The following GRIP1 variants were observed in gnomAD, a reference collection of about 807,000 sequenced individuals.
GRIP1 encodes glutamate receptor-interacting protein 1.
Under a neutral mutation model 129.9 loss-of-function variants are expected in GRIP1, and 45 were observed. The ratio of observed to expected loss-of-function variants is 0.35; its 90% confidence interval spans 0.27 to 0.44. GRIP1 has a LOEUF of 0.44. GRIP1 is among the 20% of genes least tolerant of loss of function. The probability of loss-of-function intolerance (pLI) is 1.00; values close to 1 mark genes in which losing one functional copy is unlikely to be tolerated. For synonymous variants in GRIP1, 530 were observed against 520.8 expected, an observed-to-expected ratio of 1.02 and a Z score of -0.24; for missense variants, 1,196 against 1,396.8, an observed-to-expected ratio of 0.86 and a Z score of 2.29.
intron 2 of GRIP1, among the ~76,000 whole-genome samples, chr12:66,557,074 C>T (rs1377539884): frequency 6.6e-6 from 1 of 151,958 alleles, no homozygotes; most frequent in Non-Finnish European, 1.5e-5. Flanking sequence ...TATCTGTTGT[C>T]TATAAGAAAC....
intron 7 of GRIP1, among the ~76,000 whole-genome samples, chr12:66,505,289 T>C (rs1028287044): frequency 2.6e-5 from 4 of 152,180 alleles, no homozygotes; most frequent in Admixed American, 6.5e-5. Flanking sequence ...TGGAGGGCCA[T>C]GTCAGAAGAA....
intron 1 of GRIP1, among the ~76,000 whole-genome samples, chr12:66,797,759 T>C (rs1004771567): frequency 6.6e-6 from 1 of 152,152 alleles, no homozygotes; most frequent in African/African-American, 2.4e-5. Flanking sequence ...AATTAGTGAA[T>C]ACAACCCTGA....
intron 13 of GRIP1, among the ~76,000 whole-genome samples, chr12:66,436,162 T>A (rs988568380): frequency 2.6e-5 from 4 of 152,254 alleles, no homozygotes; most frequent in East Asian, 3.8e-4. Context: ...AAAAACACAT[T>A]TGGGTAAACA....
At chr12:66,981,460 T>C (rs1007456208) in intron 1 of GRIP1, among the ~76,000 whole-genome samples, 3 of 152,156 alleles carry the variant, frequency 2.0e-5, no homozygotes, top group African/African-American at 7.2e-5. Flanking sequence ...TAAATGACTA[T>C]AATATTAAAC....
chr12:66,543,416 T>C (rs965556345), intron 2 of GRIP1, among the ~76,000 whole-genome samples: 5 of 152,178 alleles, frequency 3.3e-5, no homozygotes, highest in African/African-American at 9.7e-5. Flanking sequence ...ACAGACCAAA[T>C]AAAAATTGAA....
chr12:66,513,906 G>T (rs557318417), intron 7 of GRIP1, among the ~76,000 whole-genome samples: 1 of 152,140 alleles, frequency 6.6e-6, no homozygotes, highest in Non-Finnish European at 1.5e-5. Flanking sequence ...CAGTGGATGA[G>T]ACCTTGTCTC....
chr12:66,666,350 T>C (rs571829684), intron 1 of GRIP1, among the ~76,000 whole-genome samples: 2 of 152,138 alleles, frequency 1.3e-5, no homozygotes, highest in East Asian at 3.9e-4. Flanking sequence ...TGCCAAAAAT[T>C]TTTTAAAAAC....
At chr12:66,589,091 G>A (rs1252681294) in intron 2 of GRIP1, among the ~76,000 whole-genome samples, 1 of 151,934 alleles carries the variant, frequency 6.6e-6, no homozygotes, top group East Asian at 1.9e-4. Flanking sequence ...TGTTTCTGAG[G>A]AAGAAATGAG....
At chr12:66,703,431 T>C (rs984913681) in intron 1 of GRIP1, among the ~76,000 whole-genome samples, 1 of 152,028 alleles carries the variant, frequency 6.6e-6, no homozygotes, top group African/African-American at 2.4e-5. Context: ...GTGTGGAGGA[T>C]GCATGGGAGA....
chr12:66,761,682 C>T (rs186236839), intron 1 of GRIP1, among the ~76,000 whole-genome samples: 15 of 152,322 alleles, frequency 9.8e-5, no homozygotes, highest in Admixed American at 6.5e-4. Flanking sequence ...GTCTAGCCCA[C>T]AGCAGGGCTC....
intron 2 of GRIP1, among the ~76,000 whole-genome samples, chr12:66,580,589 A>T (rs538333384): frequency 6.7e-6 from 1 of 149,466 alleles, no homozygotes; most frequent in South Asian, 2.2e-4. Flanking sequence ...GAAAACAAAA[A>T]AAGGCAGGGG....
chr12:66,985,871 C>G (rs747119113), intron 1 of GRIP1, among the ~76,000 whole-genome samples: 8 of 152,126 alleles, frequency 5.3e-5, no homozygotes, highest in Middle Eastern at 3.2e-3. Flanking sequence ...ATTCATGTGC[C>G]TCTGGTCAAC....
intron 1 of GRIP1, among the ~76,000 whole-genome samples, chr12:66,763,472 C>T (rs1222155354): frequency 6.6e-6 from 1 of 152,136 alleles, no homozygotes; most frequent in East Asian, 1.9e-4. Context: ...AATGATAATT[C>T]CCCAGGACTC....
chr12:66,705,760 C>CA lies in GRIP1; in HGVS notation c.-419-75425dup, dbSNP rs560480295. On this transcript the variant is annotated intron_variant, in intron 1 of 4. Transcript: ENST00000538373. ...CTTCAGAAATAACACCACACATCTA[C>CA]AATCATCTGATCTTCTACAAATCTG... Among the ~76,000 whole-genome samples, 7 of 152,064 alleles carry CA rather than the reference C, an allele frequency of 4.6e-5. No homozygotes were observed. In the South Asian group the frequency reaches 1.5e-3, roughly 32 times the overall value.
intron 1 of GRIP1, among the ~76,000 whole-genome samples, chr12:66,658,362 G>A (rs866132415): frequency 7.9e-5 from 12 of 152,136 alleles, no homozygotes; most frequent in Non-Finnish European, 1.2e-4. Context: ...AGTAAAGTAC[G>A]GTAGTAATTA....
chr12:66,480,687 C>T (rs2138553125), intron 7 of GRIP1, among the ~76,000 whole-genome samples: 1 of 152,294 alleles, frequency 6.6e-6, no homozygotes, highest in Non-Finnish European at 1.5e-5. Flanking sequence ...GTAACCAAAA[C>T]AGCATGGTAC....
At chr12:66,795,076 T>C (rs916505150) in intron 1 of GRIP1, among the ~76,000 whole-genome samples, 2 of 152,210 alleles carry the variant, frequency 1.3e-5, no homozygotes, top group African/African-American at 2.4e-5. Flanking sequence ...TGAGCAAAGT[T>C]TTTAAAGGTA....
At chr12:66,659,088 G>A (rs1427329768) in intron 1 of GRIP1, among the ~76,000 whole-genome samples, 1 of 152,136 alleles carries the variant, frequency 6.6e-6, no homozygotes, top group African/African-American at 2.4e-5. Flanking sequence ...CATGGCTTTT[G>A]TACTTGCTCT....
chr12:66,824,816 AT>A (rs199575364), intron 1 of GRIP1, among the ~76,000 whole-genome samples: 2 of 152,272 alleles, frequency 1.3e-5, no homozygotes, highest in South Asian at 4.1e-4. Context: ...AGGGGGCATA[AT>A]TTTTTTAAAT....
Sources: gnomAD v4.1 joint callset for allele counts (sites outside exome capture counted in the v4.1 genomes callset) on GRCh38, gnomAD v4.1.1 for gene constraint, MANE v1.5 for transcripts, NCBI Gene and HGNC (gene_info 2026-07-23, HGNC 2026-07-21) for gene names.